The following TMEM74 variants were observed in gnomAD, a reference collection of about 807,000 sequenced individuals.
TMEM74 encodes the protein transmembrane protein 74.
In TMEM74, 13 loss-of-function variants were observed where a neutral mutation model predicts 18.1. That is an observed-to-expected ratio of 0.72 (90% CI 0.47 to 1.14). The LOEUF is 1.14. Ranked by LOEUF, TMEM74 falls within the 50% of genes most tolerant of loss-of-function variation. The pLI, the probability that TMEM74 is intolerant of heterozygous loss-of-function variation, is 0.00. For synonymous variants in TMEM74, 159 were observed against 146.6 expected (o/e 1.08, Z -0.61); for missense variants, 372 against 375.9 (o/e 0.99, Z 0.09).
intron 1 of TMEM74, among the ~76,000 whole-genome samples, chr8:108,674,271 A>G (rs1272025922): frequency 6.6e-6 from 1 of 152,158 alleles, no homozygotes; most frequent in East Asian, 1.9e-4. Flanking sequence ...GTGCTTCATA[A>G]GTTTGTTAAA....
At chr8:108,755,940 G>T (rs888062274) in intron 1 of TMEM74, among the ~76,000 whole-genome samples, 4 of 151,966 alleles carry the variant, frequency 2.6e-5, no homozygotes, top group African/African-American at 9.7e-5. Flanking sequence ...TATAGGAATG[G>T]GGGGAATGGG....
At chr8:108,619,659 A>T (rs1043621675) in intron 2 of TMEM74, among the ~76,000 whole-genome samples, 6 of 152,190 alleles carry the variant, frequency 3.9e-5, no homozygotes, top group Non-Finnish European at 1.5e-5. Flanking sequence ...GCTCTGAAAG[A>T]GTTGAAGCCT....
chr8:108,622,316 T>C (rs1178544076), intron 2 of TMEM74, among the ~76,000 whole-genome samples: 2 of 152,134 alleles, frequency 1.3e-5, no homozygotes, highest in Non-Finnish European at 2.9e-5. Context: ...ATAGGGTAGA[T>C]GTTGTCAGCT....
intron 2 of TMEM74, among the ~76,000 whole-genome samples, chr8:108,623,066 C>T (rs1404688634): frequency 3.3e-5 from 5 of 152,018 alleles, no homozygotes; most frequent in Non-Finnish European, 5.9e-5. Flanking sequence ...TACAAATATT[C>T]TGCTTTCTAC....
At chr8:108,758,459 A>T (rs758218487) in intron 1 of TMEM74, among the ~76,000 whole-genome samples, 1 of 152,096 alleles carries the variant, frequency 6.6e-6, no homozygotes, top group Non-Finnish European at 1.5e-5. Context: ...AATGGCCAAG[A>T]AATGTATAAA....
chr8:108,683,731 T>A (rs1813138739), intron 1 of TMEM74, among the ~76,000 whole-genome samples: 2 of 152,036 alleles, frequency 1.3e-5, no homozygotes, highest in African/African-American at 4.8e-5. Context: ...TCTCATTTAT[T>A]ATGATTAAAC....
At chr8:108,755,161 A>G (rs148973442) in intron 1 of TMEM74, among the ~76,000 whole-genome samples, 2 of 152,092 alleles carry the variant, frequency 1.3e-5, no homozygotes, top group African/African-American at 4.8e-5. Context: ...GTCTCCAGGA[A>G]CACTGCAGTC....
At chr8:108,625,642 T>A (rs747532727) in intron 2 of TMEM74, among the ~76,000 whole-genome samples, 1 of 152,000 alleles carries the variant, frequency 6.6e-6, no homozygotes, top group Non-Finnish European at 1.5e-5. Flanking sequence ...TTGCAGAGTA[T>A]ACTTTATCAA....
At chr8:108,691,684 G>T (rs1470907567) in intron 1 of TMEM74, among the ~76,000 whole-genome samples, 1 of 151,912 alleles carries the variant, frequency 6.6e-6, no homozygotes, top group Non-Finnish European at 1.5e-5. Flanking sequence ...AAATAATCTA[G>T]TTGGGAAGTA....
At chr8:108,750,810 G>A (rs1205141296) in intron 1 of TMEM74, among the ~76,000 whole-genome samples, 2 of 152,106 alleles carry the variant, frequency 1.3e-5, no homozygotes, top group Admixed American at 6.5e-5. Flanking sequence ...CTTGGGAAGG[G>A]GGCTGCCTAT....
At position 108,783,898 on chromosome 8, in the gene TMEM74, T is replaced by C; in HGVS notation, c.*283A>G. 1 of 248,906 alleles carries C rather than the reference T, an allele frequency of 4.0e-6. No homozygotes were observed. 15.4% of individuals were successfully genotyped at this position (248,906 alleles called of 1,614,324 possible). A position where few individuals can be genotyped will look rare whatever the true frequency, so the allele number is the denominator to read the frequency against. ...AGAAATAATTTGTAGACTGGGTCAT[T>C]AGAAATATTTTTCTATCGAAGTAGA... On this transcript the variant is annotated 3_prime_UTR_variant, in exon 2 of 2. Transcript: ENST00000297459.
At chr8:108,746,535 T>C (rs916077170) in intron 1 of TMEM74, among the ~76,000 whole-genome samples, 2 of 152,224 alleles carry the variant, frequency 1.3e-5, no homozygotes, top group African/African-American at 4.8e-5. Context: ...TAATTTATAA[T>C]AAAAATATAT....
At chr8:108,683,222 T>G (rs1443962471) in intron 1 of TMEM74, among the ~76,000 whole-genome samples, 1 of 151,760 alleles carries the variant, frequency 6.6e-6, no homozygotes, top group African/African-American at 2.4e-5. Flanking sequence ...AAGGAACAGA[T>G]AATTACTCTG....
chr8:108,762,203 T>C (rs1436768925), intron 1 of TMEM74, among the ~76,000 whole-genome samples: 1 of 152,148 alleles, frequency 6.6e-6, no homozygotes, highest in Non-Finnish European at 1.5e-5. Flanking sequence ...ATTTCTCCAA[T>C]TGCACCTAAC....
chr8:108,697,024 C>T (rs960537420), intron 1 of TMEM74, among the ~76,000 whole-genome samples: 2 of 152,174 alleles, frequency 1.3e-5, no homozygotes, highest in Non-Finnish European at 2.9e-5. Context: ...CTGTCATTTC[C>T]ACTGTCCCTA....
intron 1 of TMEM74, among the ~76,000 whole-genome samples, chr8:108,661,222 G>T (rs950883061): frequency 6.6e-6 from 1 of 151,960 alleles, no homozygotes; most frequent in Non-Finnish European, 1.5e-5. Flanking sequence ...CAAAATTATG[G>T]CATCCCTTGT....
At chr8:108,611,713 A>T (rs903442887) in intron 2 of TMEM74, among the ~76,000 whole-genome samples, 4 of 152,218 alleles carry the variant, frequency 2.6e-5, no homozygotes, top group Non-Finnish European at 4.4e-5. Context: ...CCAGGTAAAT[A>T]GTGTGACTAA....
At chr8:108,694,336 T>C (rs1391322684) in intron 1 of TMEM74, among the ~76,000 whole-genome samples, 1 of 143,414 alleles carries the variant, frequency 7.0e-6, no homozygotes, top group Non-Finnish European at 1.5e-5. Context: ...TAAAAAGATA[T>C]GATACTGATA....
chr8:108,710,266 A>G (rs1246682311), intron 1 of TMEM74, among the ~76,000 whole-genome samples: 2 of 152,192 alleles, frequency 1.3e-5, no homozygotes, highest in Non-Finnish European at 2.9e-5. Flanking sequence ...TTACCTTTCA[A>G]TCACTAGAGA....
Sources: gnomAD v4.1 joint callset for allele counts (sites outside exome capture counted in the v4.1 genomes callset) on GRCh38, gnomAD v4.1.1 for gene constraint, MANE v1.5 for transcripts, NCBI Gene and HGNC (gene_info 2026-07-23, HGNC 2026-07-21) for gene names.